Variants in CNOT2 observed in about 807,000 individuals in gnomAD.
CNOT2 encodes the protein CCR4-NOT transcription complex subunit 2, also known as CC chemokine receptor 4-negative regulator of transcription 2.
A neutral mutation model predicts 72.1 loss-of-function variants in CNOT2; 7 were observed. The ratio of observed to expected loss-of-function variants is 0.10; its 90% confidence interval spans 0.06 to 0.18. The LOEUF is 0.18. Among genes scored for constraint, CNOT2 ranks in the 10% least tolerant of loss-of-function variants. The pLI is 1.00. For missense variants in CNOT2, 345 were observed against 660.3 expected, an observed-to-expected ratio of 0.52 and a Z score of 5.23; for synonymous variants, 196 against 225.6, an observed-to-expected ratio of 0.87 and a Z score of 1.17.
At chr12:70,340,086 A>G (rs908193209) in intron 11 of CNOT2, among the ~76,000 whole-genome samples, 11 of 152,178 alleles carry the variant, frequency 7.2e-5, no homozygotes, top group African/African-American at 2.4e-4. Context: ...GAAACTTTTC[A>G]AAGAGTCATC....
intron 1 of CNOT2, among the ~76,000 whole-genome samples, chr12:70,271,443 A>G (rs10879119): frequency 0.16 from 23,007 of 141,876 alleles, 2,051 homozygotes; most frequent in Admixed American, 0.3. Flanking sequence ...GCACAATCTC[A>G]GCTCACTGCA....
chr12:70,337,292 CT>C (rs1204415560), intron 8 of CNOT2, 96 bp from the exon 9 acceptor site: 27 of 991,274 alleles, frequency 2.7e-5, no homozygotes, highest in Admixed American at 6.9e-5. Flanking sequence ...AAAAAGAAAC[CT>C]TTTGGTGTAT....
At chr12:70,263,410 T>C (rs1411036162) in intron 1 of CNOT2, among the ~76,000 whole-genome samples, 1 of 152,212 alleles carries the variant, frequency 6.6e-6, no homozygotes, top group African/African-American at 2.4e-5. Context: ...TTTCTCTGAA[T>C]TGCACAACCC....
chr12:70,267,181 CTG>C (rs146589869), intron 1 of CNOT2, among the ~76,000 whole-genome samples: 234 of 152,252 alleles, frequency 1.5e-3, no homozygotes, highest in African/African-American at 5.6e-3. Context: ...TTGCCACAAA[CTG>C]TAGCTTAAAA....
chr12:70,287,839 T>G (rs1415438907), intron 2 of CNOT2, among the ~76,000 whole-genome samples: 1 of 149,986 alleles, frequency 6.7e-6, no homozygotes, highest in Non-Finnish European at 1.5e-5. Flanking sequence ...AGCTATCATT[T>G]CATGTTTCTT....
At chr12:70,340,482 G>A (rs1881342713) in intron 11 of CNOT2, among the ~76,000 whole-genome samples, 1 of 152,034 alleles carries the variant, frequency 6.6e-6, no homozygotes, top group Non-Finnish European at 1.5e-5. Flanking sequence ...TTCTGAGTTT[G>A]AGATTTCTAC....
At chr12:70,287,481 G>T (rs12307481) in intron 2 of CNOT2, among the ~76,000 whole-genome samples, 2,072 of 149,150 alleles carry the variant, frequency 0.014, 88 homozygotes, top group African/African-American at 0.047. Context: ...TCTTTTTGTT[G>T]CTGATTTCTC....
chr12:70,307,593 T>TTTTTTTTTTTTTTTTTTTTTGAG (rs1316302401), intron 2 of CNOT2: 1 of 152,246 alleles, frequency 6.6e-6, no homozygotes, highest in Non-Finnish European at 1.5e-5. Flanking sequence ...ATTAACTTTT[T>TTTTTTTTTTTTTTTTTTTTTGAG]AACATACGTT....
At chr12:70,267,464 TA>T (rs1959103084) in intron 1 of CNOT2, among the ~76,000 whole-genome samples, 1 of 152,258 alleles carries the variant, frequency 6.6e-6, no homozygotes, top group South Asian at 2.1e-4. Flanking sequence ...AGGGCCTTCA[TA>T]AATCCAGTAT....
At chr12:70,259,739 T>C (rs574684887) in intron 1 of CNOT2, among the ~76,000 whole-genome samples, 14 of 152,334 alleles carry the variant, frequency 9.2e-5, no homozygotes, top group African/African-American at 3.1e-4. Context: ...CCTGAAACGT[T>C]TGTTGAATGA....
At chr12:70,269,448 T>A (rs1380236271) in intron 1 of CNOT2, among the ~76,000 whole-genome samples, 1 of 152,156 alleles carries the variant, frequency 6.6e-6, no homozygotes. Context: ...AATAATAGTT[T>A]ACATGTGCAA....
rs560729533 is a variant in CNOT2 at position 70,337,685 on chromosome 12, T to C, written c.900+172T>C. The stretch of plus-strand genomic sequence containing the variant: ...TTTATAACTTAGAAGATAGCCTATT[T>C]TTTTCCTATTTCATATAGGTTTGCA... On this transcript the variant is annotated intron_variant, in intron 9 of 15. Transcript: ENST00000229195. The C allele has an allele frequency of 7.4e-4, 544 of 735,236 alleles. 4 individuals carry two copies. The highest frequency in any genetic ancestry group is 5.2e-3 in the South Asian group (331 of 64,060). 45.5% of individuals were successfully genotyped at this position (735,236 alleles called of 1,614,324 possible).
chr12:70,344,116 T>G lies in CNOT2; in HGVS notation c.1291-12T>G, dbSNP rs141125476. 7.7e-5 allele frequency: 122 copies of G among 1,575,252 alleles called. No individual in the cohort carries two copies. The highest frequency in any genetic ancestry group is 3.4e-4 in the Middle Eastern group (2 of 5,820). On this transcript the variant is annotated splice_polypyrimidine_tract_variant and intron_variant, in intron 13 of 15. Transcript: ENST00000229195. Reference sequence around the variant, plus strand: ...GTTTTATATTTCAGAATAAGTTATTTTTCTTTTTCAGCTGGCTGCAATAAA... The same window carrying G: ...GTTTTATATTTCAGAATAAGTTATTGTTCTTTTTCAGCTGGCTGCAATAAA...
At chr12:70,246,349 A>C (rs1368767040) in intron 1 of CNOT2, among the ~76,000 whole-genome samples, 1 of 152,180 alleles carries the variant, frequency 6.6e-6, no homozygotes, top group Non-Finnish European at 1.5e-5. Flanking sequence ...TTTCAGGAAA[A>C]TATACCACCA....
At chr12:70,244,250 C>T (rs1383624138) in intron 1 of CNOT2, 6 of 152,204 alleles carry the variant, frequency 3.9e-5, no homozygotes, top group Admixed American at 6.5e-5. Flanking sequence ...GGAGGAACCA[C>T]AGACGCTTCT....
At chr12:70,294,360 T>C (rs1013256087) in intron 2 of CNOT2, 1 of 1,105,462 alleles carries the variant, frequency 9.0e-7, no homozygotes, top group Non-Finnish European at 1.2e-6. Context: ...AGGGTGGATG[T>C]TGGGCCATTT....
chr12:70,332,940 AT>A (rs1372251152), intron 7 of CNOT2, 94 bp downstream of exon 7: 19 of 1,375,662 alleles, frequency 1.4e-5, no homozygotes, highest in Non-Finnish European at 1.8e-5. Context: ...ATACGGTAGG[AT>A]TTTTTATTAT....
At position 70,252,347 on chromosome 12, in the gene CNOT2, C is replaced by T. The variant is rs907413403; in HGVS notation, c.-96+8867C>T. Among the ~76,000 whole-genome samples the T allele has an allele frequency of 7.2e-5, 11 of 151,972 alleles. No homozygotes were observed. The South Asian group carries it at 1.5e-3, about 20-fold the overall frequency. On this transcript the variant is annotated intron_variant, in intron 1 of 15. Transcript: ENST00000229195. ...GACTACAGGCGCATGCCACCATGCC[C>T]GGCAAATTTTTGTATCTTTTGTAGA...
At chr12:70,244,848 T>C (rs1003322785) in intron 1 of CNOT2, among the ~76,000 whole-genome samples, 3 of 152,200 alleles carry the variant, frequency 2.0e-5, no homozygotes, top group Non-Finnish European at 4.4e-5. Flanking sequence ...ACATATTTAG[T>C]GTCATGCTTA....
Sources: gnomAD v4.1 joint callset for allele counts (sites outside exome capture counted in the v4.1 genomes callset) on GRCh38, gnomAD v4.1.1 for gene constraint, MANE v1.5 for transcripts, NCBI Gene and HGNC (gene_info 2026-07-23, HGNC 2026-07-21) for gene names.